PNKD: variants seen among roughly 807,000 people sequenced by gnomAD.
PNKD encodes the protein PNKD metallo-beta-lactamase domain containing, also known as probable thioesterase PNKD.
A neutral mutation model predicts 45.3 loss-of-function variants in PNKD; 36 were observed. That is an observed-to-expected ratio of 0.80 (90% CI 0.61 to 1.05). The LOEUF (loss-of-function observed/expected upper bound fraction) is 1.05. Ranked by LOEUF, PNKD falls within the 50% of genes least tolerant of loss-of-function variation. PNKD has a pLI of 0.00. For synonymous variants in PNKD, 197 were observed against 210.1 expected (o/e 0.94, Z 0.54); for missense variants, 511 against 506.6 (o/e 1.01, Z -0.08).
rs781677058 is a variant in PNKD, at chr2:218,326,498, CTTAG to C, written c.237-13282_237-13279del. Among the ~76,000 whole-genome samples, 17 of 152,104 alleles carry C rather than the reference CTTAG, an allele frequency of 1.1e-4. 1 individual carries two copies. The highest frequency in any genetic ancestry group is 2.4e-4 in the Non-Finnish European group (16 of 68,006). On this transcript the variant is annotated intron_variant, in intron 2 of 9. Coordinates refer to ENST00000273077, the MANE Select transcript of PNKD (RefSeq NM_015488.5). This position sits in a 1 kb window ranked among gnomAD's most constrained non-coding sequence, Gnocchi z 4.1. ...CCTTGAACAAATAACTTCTCTGTGC[CTTAG>C]TTGTTTGCATCTATAAAGTGGGGTT...
chr2:218,303,280 C>T (rs1235014972), intron 2 of PNKD, among the ~76,000 whole-genome samples: 1 of 151,952 alleles, frequency 6.6e-6, no homozygotes, highest in African/African-American at 2.4e-5. Flanking sequence ...TTTGGAATGC[C>T]CTGGCAGAGG....
At chr2:218,334,897 CTGGGGTCT>C in intron 2 of PNKD, 1 of 615,878 alleles carries the variant, frequency 1.6e-6, no homozygotes, top group Non-Finnish European at 2.9e-6. Flanking sequence ...GGTGATTTGA[CTGGGGTCT>C]CCAGGTGTTA....
chr2:218,341,472 A>T, intron 5 of PNKD, 62 bp from the exon 6 acceptor site: 1 of 1,122,148 alleles, frequency 8.9e-7, no homozygotes, highest in East Asian at 2.6e-5. Flanking sequence ...TGCTGTGGTA[A>T]AGAAGGGGGC....
chr2:218,295,570 G>T (rs952464274), intron 2 of PNKD, among the ~76,000 whole-genome samples: 23 of 152,042 alleles, frequency 1.5e-4, no homozygotes, highest in African/African-American at 4.3e-4. Context: ...TCTCCAGGCA[G>T]AGGGCAAGGG....
chr2:218,292,220 G>C (rs1198443673), intron 2 of PNKD, among the ~76,000 whole-genome samples: 1 of 152,248 alleles, frequency 6.6e-6, no homozygotes, highest in East Asian at 1.9e-4. Context: ...ACAACACGCT[G>C]CTGGGCTCCC....
intron 2 of PNKD, among the ~76,000 whole-genome samples, chr2:218,308,529 G>GT (rs1693488393): frequency 6.7e-6 from 1 of 149,714 alleles, no homozygotes. Context: ...AGGTACAATC[G>GT]TATCAGTTAT....
chr2:218,283,803 T>C lies in PNKD; in HGVS notation c.236+12254T>C, dbSNP rs117141557. 4.1e-4 allele frequency among the ~76,000 whole-genome samples: 63 copies of C among 152,192 alleles called. 2 individuals carry two copies. In the South Asian group the frequency reaches 7.3e-3, roughly 18 times the overall value. On this transcript the variant is annotated intron_variant, in intron 2 of 9. Transcript: ENST00000273077. ...AAAGTCCAGGTCTCTAAGTGGGTTA[T>C]TTTGAGGAAAGCTGTTCTTCATCTC...
chr2:218,270,602 G>C lies in PNKD; in HGVS notation c.67G>C (p.Gly23Arg). 1 of 984,508 alleles carries C rather than the reference G, an allele frequency of 1.0e-6. No individual in the cohort carries two copies. Among genetic ancestry groups the C allele is most frequent in the Non-Finnish European group, 1.4e-6 (1 of 735,712 alleles). 61.0% of individuals were successfully genotyped at this position (984,508 alleles called of 1,614,324 possible). A position where few individuals can be genotyped will look rare whatever the true frequency, so the allele number is the denominator to read the frequency against. Residue 23 changes from glycine to arginine, a missense_variant and splice_region_variant, in exon 1 of 10, where the codon GGG becomes CGG. Coordinates refer to ENST00000273077, the MANE Select transcript of PNKD (RefSeq NM_015488.5). ...GGCGAGAAATGCCCGCGTCCTCCGGGGTAAGGAGAGGGACCCCGGGGAGGG... is the reference window on the plus strand; with the variant it reads ...GGCGAGAAATGCCCGCGTCCTCCGGCGTAAGGAGAGGGACCCCGGGGAGGG... ...RGARNARVLRGILAGATANKA... is the reference protein window; with the variant it reads ...RGARNARVLRRILAGATANKA...
chr2:218,284,828 C>T (rs1341131937), intron 2 of PNKD, among the ~76,000 whole-genome samples: 5 of 152,348 alleles, frequency 3.3e-5, no homozygotes, highest in African/African-American at 9.6e-5. Context: ...CAGTGGCTCA[C>T]GCCTGTAATC....
chr2:218,296,139 C>T (rs565549955), intron 2 of PNKD, among the ~76,000 whole-genome samples: 167 of 152,254 alleles, frequency 1.1e-3, no homozygotes, highest in Non-Finnish European at 5.1e-4. Flanking sequence ...TGAGCCGCTG[C>T]GCCCGGCCAA....
intron 2 of PNKD, chr2:218,318,161 A>G (rs1693867026): frequency 1.3e-5 from 2 of 152,792 alleles, no homozygotes; most frequent in Admixed American, 1.3e-4. Flanking sequence ...GACACCAGGG[A>G]CAGGCAGCCT....
chr2:218,279,500 CA>C (rs1691638401), intron 2 of PNKD: 1 of 625,446 alleles, frequency 1.6e-6, no homozygotes, highest in Non-Finnish European at 2.7e-6. Flanking sequence ...ATGCCTGGCT[CA>C]GAGGCAATGT....
intron 2 of PNKD, among the ~76,000 whole-genome samples, chr2:218,322,630 GC>G (rs1471839150): frequency 6.6e-6 from 1 of 152,114 alleles, no homozygotes; most frequent in Non-Finnish European, 1.5e-5. Flanking sequence ...CCATATCATT[GC>G]CCCCTCCTTG....
At chr2:218,278,437 A>T in intron 2 of PNKD, 1 of 1,419,862 alleles carries the variant, frequency 7.0e-7, no homozygotes, top group Non-Finnish European at 1.0e-6. Context: ...GCTATAAAGG[A>T]ATCCTTCTTT....
At chr2:218,285,955 G>C (rs1225747092) in intron 2 of PNKD, 1 of 154,800 alleles carries the variant, frequency 6.5e-6, no homozygotes, top group Non-Finnish European at 1.5e-5. Flanking sequence ...AGCAGCAAAG[G>C]GGGAAAGGGT....
chr2:218,301,417 C>T (rs1188100605), intron 2 of PNKD, among the ~76,000 whole-genome samples: 1 of 152,114 alleles, frequency 6.6e-6, no homozygotes, highest in Non-Finnish European at 1.5e-5. Flanking sequence ...ATCTAGGAAG[C>T]GGTTGGAACA....
At chr2:218,289,471 G>A (rs1391029447) in intron 2 of PNKD, among the ~76,000 whole-genome samples, 2 of 151,724 alleles carry the variant, frequency 1.3e-5, no homozygotes, top group Non-Finnish European at 2.9e-5. Context: ...GTGAAACCTC[G>A]TCTCTACTAA....
intron 2 of PNKD, among the ~76,000 whole-genome samples, chr2:218,319,682 T>C (rs116246886): frequency 6.6e-6 from 1 of 152,146 alleles, no homozygotes; most frequent in Non-Finnish European, 1.5e-5. Context: ...CCCCGTCTTG[T>C]GTATTATAGG....
At chr2:218,277,281 T>C in intron 2 of PNKD, 1 of 1,328,780 alleles carries the variant, frequency 7.5e-7, no homozygotes, top group East Asian at 2.3e-5. Context: ...ATCAGGTCTC[T>C]AGGGAACATC....
Sources: allele counts gnomAD v4.1 joint callset (sites outside exome capture counted in the v4.1 genomes callset), GRCh38; gene constraint gnomAD v4.1.1; non-coding constraint Gnocchi (gnomAD v3.1); transcripts MANE v1.5; gene names NCBI Gene and HGNC (gene_info 2026-07-23, HGNC 2026-07-21).